MYO1B: variants seen among roughly 807,000 people sequenced by gnomAD.
MYO1B encodes the protein myosin IB, also known as unconventional myosin-Ib.
A neutral mutation model predicts 159.7 loss-of-function variants in MYO1B; 72 were observed. The observed-to-expected ratio is 0.45, with a 90% CI of 0.37 to 0.55. The LOEUF is 0.55. Ranked by LOEUF, MYO1B falls within the 20% of genes least tolerant of loss-of-function variation. MYO1B has a pLI of 0.00. For synonymous variants in MYO1B, 468 were observed against 473.8 expected (o/e 0.99, Z 0.16); for missense variants, 1,062 against 1,364.8 (o/e 0.78, Z 3.50).
chr2:191,421,430 A>G (rs1697934442), intron 30 of MYO1B, among the ~76,000 whole-genome samples: 1 of 152,026 alleles, frequency 6.6e-6, no homozygotes, highest in Non-Finnish European at 1.5e-5. Flanking sequence ...GGCCAAGGTT[A>G]TTGGGGAAAG....
intron 3 of MYO1B, among the ~76,000 whole-genome samples, chr2:191,327,895 T>C (rs1322583866): frequency 6.6e-6 from 1 of 152,222 alleles, no homozygotes; most frequent in Non-Finnish European, 1.5e-5. Flanking sequence ...CAGTACTTAT[T>C]ATATGCAAGG....
At position 191,289,359 on chromosome 2, in the gene MYO1B, C is replaced by G. The variant is rs144233979; in HGVS notation, c.136-6752C>G. On this transcript the variant is annotated intron_variant, in intron 2 of 30. Coordinates refer to ENST00000392318, the MANE Select transcript of MYO1B (RefSeq NM_001130158.3). ...TTCTTGTCTCCTTGTCTTGATTTCA[C>G]TTCTGCTAGCTAATGTGGTCGTATC... is the stretch of plus-strand genomic sequence containing the variant. 1.9e-3 allele frequency among the ~76,000 whole-genome samples: 293 copies of G among 152,312 alleles called. 1 individual carries two copies. The highest frequency in any genetic ancestry group is 6.8e-3 in the African/African-American group (282 of 41,572).
intron 4 of MYO1B, among the ~76,000 whole-genome samples, chr2:191,340,217 A>G (rs555656612): frequency 1.3e-5 from 2 of 152,196 alleles, no homozygotes; most frequent in East Asian, 3.9e-4. Context: ...AACAGATTCC[A>G]TAGAAAATAA....
At chr2:191,396,839 A>G (rs1342150035) in intron 21 of MYO1B, among the ~76,000 whole-genome samples, 2 of 152,172 alleles carry the variant, frequency 1.3e-5, no homozygotes, top group Non-Finnish European at 2.9e-5. Flanking sequence ...CATACTCAGA[A>G]TCCCTACCCC....
intron 21 of MYO1B, among the ~76,000 whole-genome samples, chr2:191,399,560 C>G (rs1038205872): frequency 4.6e-5 from 7 of 152,140 alleles, no homozygotes; most frequent in African/African-American, 1.7e-4. Flanking sequence ...TACTTCAGAG[C>G]CTGTTCTGAC....
chr2:191,372,144 G>A (rs1179389288), intron 13 of MYO1B, among the ~76,000 whole-genome samples: 1 of 137,420 alleles, frequency 7.3e-6, no homozygotes, highest in African/African-American at 3.6e-5. Flanking sequence ...TTCATGAGCA[G>A]GGGAGATGGG....
At chr2:191,317,526 G>A (rs751968575) in intron 3 of MYO1B, among the ~76,000 whole-genome samples, 7 of 152,144 alleles carry the variant, frequency 4.6e-5, no homozygotes, top group Non-Finnish European at 1.0e-4. Context: ...TGTGCACAAC[G>A]TGCAGGTTTG....
chr2:191,383,978 T>C (rs905120730), intron 15 of MYO1B, among the ~76,000 whole-genome samples: 3 of 152,190 alleles, frequency 2.0e-5, no homozygotes, highest in Admixed American at 6.6e-5. Flanking sequence ...AGCTGTAGCA[T>C]TGATTCAGAT....
intron 1 of MYO1B, among the ~76,000 whole-genome samples, chr2:191,258,794 C>A (rs1462174704): frequency 1.3e-5 from 2 of 152,196 alleles, no homozygotes; most frequent in African/African-American, 4.8e-5. Flanking sequence ...GAGCATGGAA[C>A]ACATAATGCT....
chr2:191,300,103 G>C (rs557688795), intron 3 of MYO1B, among the ~76,000 whole-genome samples: 25 of 152,186 alleles, frequency 1.6e-4, no homozygotes, highest in Admixed American at 1.6e-3. Context: ...ATGGTATTTT[G>C]AAACAGGGTC....
intron 2 of MYO1B, among the ~76,000 whole-genome samples, chr2:191,278,928 A>C (rs1048446392): frequency 2.0e-5 from 3 of 152,264 alleles, no homozygotes; most frequent in African/African-American, 7.2e-5. Flanking sequence ...TGAGAAGCAC[A>C]ATTCACTTTT....
intron 3 of MYO1B, among the ~76,000 whole-genome samples, chr2:191,314,945 A>T (rs1369328840): frequency 6.6e-6 from 1 of 152,126 alleles, no homozygotes; most frequent in Non-Finnish European, 1.5e-5. Flanking sequence ...CTATATTTTT[A>T]AATTGTAGAT....
intron 28 of MYO1B, 65 bp from the exon 29 acceptor site, chr2:191,414,452 A>T: frequency 6.9e-7 from 1 of 1,459,062 alleles, no homozygotes; most frequent in Non-Finnish European, 9.2e-7. Flanking sequence ...TAATGCCTTA[A>T]ACTCATGGAC....
intron 2 of MYO1B, among the ~76,000 whole-genome samples, chr2:191,291,064 T>G (rs1456811166): frequency 2.0e-5 from 3 of 152,184 alleles, no homozygotes; most frequent in Non-Finnish European, 2.9e-5. Context: ...GTAGAATCTC[T>G]GAGGATTGGA....
intron 21 of MYO1B, among the ~76,000 whole-genome samples, chr2:191,399,132 G>C (rs571604840): frequency 1.3e-5 from 2 of 152,158 alleles, no homozygotes; most frequent in Non-Finnish European, 2.9e-5. Flanking sequence ...CAGGCGTGGC[G>C]GCACGCACCT....
intron 14 of MYO1B, among the ~76,000 whole-genome samples, chr2:191,381,980 G>A (rs1003374021): frequency 1.5e-4 from 23 of 152,102 alleles, no homozygotes; most frequent in Middle Eastern, 3.2e-3. Flanking sequence ...CAGTTACTGA[G>A]TCCTTACTAC....
At chr2:191,382,290 A>G (rs1370222210) in intron 14 of MYO1B, among the ~76,000 whole-genome samples, 1 of 152,110 alleles carries the variant, frequency 6.6e-6, no homozygotes, top group African/African-American at 2.4e-5. Flanking sequence ...TTAAGCCATT[A>G]AGGACACTGA....
At chr2:191,416,475 T>C in intron 30 of MYO1B, 2 of 508,746 alleles carry the variant, frequency 3.9e-6, no homozygotes, top group Non-Finnish European at 3.5e-6. Flanking sequence ...AAATAGTTGA[T>C]AAGATTTTGG....
chr2:191,410,227 A>G (rs1697175076), intron 26 of MYO1B, among the ~76,000 whole-genome samples: 1 of 152,088 alleles, frequency 6.6e-6, no homozygotes, highest in African/African-American at 2.4e-5. Flanking sequence ...TGGCTTTGCA[A>G]TCTCACCCAT....
Sources: gnomAD v4.1 joint callset for allele counts (sites outside exome capture counted in the v4.1 genomes callset) on GRCh38, gnomAD v4.1.1 for gene constraint, MANE v1.5 for transcripts, NCBI Gene and HGNC (gene_info 2026-07-23, HGNC 2026-07-21) for gene names.